Variants in BFSP1 observed in about 807,000 individuals in gnomAD.
BFSP1 encodes beaded filament structural protein 1, also known as filensin.
BFSP1 carries 38 observed loss-of-function variants against 43.9 expected under a neutral mutation model. That is an observed-to-expected ratio of 0.87 (90% CI 0.67 to 1.14). The LOEUF (loss-of-function observed/expected upper bound fraction) is 1.14. BFSP1 is among the 50% of genes most tolerant of loss of function. The pLI is 0.00. For synonymous variants in BFSP1, 352 were observed against 354.8 expected (o/e 0.99, Z 0.09); for missense variants, 850 against 875.1 (o/e 0.97, Z 0.36).
upstream of BFSP1, among the ~76,000 whole-genome samples, chr20:17,561,875 G>C (rs2035069838): frequency 6.6e-6 from 1 of 152,124 alleles, no homozygotes; most frequent in South Asian, 2.1e-4. Context: ...AGCTTTGTGA[G>C]TAGAAACAAA....
chr20:17,559,728 TAGGTTG>T (rs1483135856), upstream of BFSP1, among the ~76,000 whole-genome samples: 1 of 152,122 alleles, frequency 6.6e-6, no homozygotes, highest in East Asian at 1.9e-4. Context: ...GCAATGAATC[TAGGTTG>T]CACGCTCCTT....
chr20:17,534,126 A>G (rs1229122891), upstream of BFSP1, among the ~76,000 whole-genome samples: 1 of 152,250 alleles, frequency 6.6e-6, no homozygotes, highest in Non-Finnish European at 1.5e-5. Context: ...AGGAGTAGAG[A>G]TCGTATGCAT....
chr20:17,499,324 T>A (rs141512465), intron 5 of BFSP1, among the ~76,000 whole-genome samples: 26 of 148,024 alleles, frequency 1.8e-4, no homozygotes, highest in African/African-American at 6.2e-4. Flanking sequence ...GCTCACTGCA[T>A]CCTCGACCTC....
Position 17,513,346 on chromosome 20 carries a change from A to G in BFSP1, c.535-1278T>C, listed in dbSNP as rs1170897491. 2.0e-5 allele frequency among the ~76,000 whole-genome samples: 3 copies of G among 152,196 alleles called. No individual in the cohort carries two copies. In the East Asian group the frequency reaches 5.8e-4, roughly 29 times the overall value. On this transcript the variant is annotated intron_variant, in intron 3 of 7. Transcript: ENST00000377873. ...AGTATTTCACAAGGCTGCTCTTGGG[A>G]TCCAGTGAGATACTACAGGGAAGCC...
At chr20:17,562,439 A>AT (rs2035075326), upstream of BFSP1, among the ~76,000 whole-genome samples, 2 of 148,822 alleles carry the variant, frequency 1.3e-5, no homozygotes, top group African/African-American at 4.9e-5. Flanking sequence ...AGGCAAGAGA[A>AT]TTGCTTAAGC....
At chr20:17,501,892 G>A (rs541462721) in intron 5 of BFSP1, among the ~76,000 whole-genome samples, 5 of 152,372 alleles carry the variant, frequency 3.3e-5, no homozygotes, top group Non-Finnish European at 1.5e-5. Context: ...GAGTTGGTGG[G>A]AGGTTCTAGA....
chr20:17,497,573 T>A (rs1288975303), intron 6 of BFSP1, among the ~76,000 whole-genome samples: 1 of 21,336 alleles, frequency 4.7e-5, no homozygotes, highest in Non-Finnish European at 8.2e-5. Context: ...TGTGTATATG[T>A]ATATATACGT....
At chr20:17,524,370 G>C (rs73599752) in intron 2 of BFSP1, among the ~76,000 whole-genome samples, 5,107 of 152,228 alleles carry the variant, frequency 0.034, 195 homozygotes, top group African/African-American at 0.095. Flanking sequence ...CTCCCCTGGG[G>C]CTATTGGTCA....
chr20:17,523,646 T>C (rs1435977165), intron 2 of BFSP1, among the ~76,000 whole-genome samples: 2 of 149,710 alleles, frequency 1.3e-5, no homozygotes, highest in African/African-American at 4.9e-5. Context: ...TGTTTCTATC[T>C]AGGGTGCCCA....
intron 1 of BFSP1, among the ~76,000 whole-genome samples, chr20:17,558,126 G>C (rs147436033): frequency 2.0e-5 from 3 of 148,914 alleles, no homozygotes; most frequent in African/African-American, 2.5e-5. Context: ...AGATGGGGGG[G>C]GGTTTTACTC....
intron 1 of BFSP1, among the ~76,000 whole-genome samples, chr20:17,544,679 T>G (rs970998732): frequency 3.9e-5 from 6 of 152,180 alleles, no homozygotes; most frequent in African/African-American, 1.4e-4. Flanking sequence ...GTTAAAACCA[T>G]AATTCTGTTT....
chr20:17,524,025 C>T (rs915656034), intron 2 of BFSP1, among the ~76,000 whole-genome samples: 1 of 152,100 alleles, frequency 6.6e-6, no homozygotes, highest in Non-Finnish European at 1.5e-5. Context: ...GAGTTGTAGG[C>T]ATGGAAGGGG....
intron 1 of BFSP1, among the ~76,000 whole-genome samples, chr20:17,553,850 C>CATATAT (rs869119570): frequency 0.047 from 3,581 of 76,628 alleles, 261 homozygotes; most frequent in African/African-American, 0.19. Context: ...CATATATATA[C>CATATAT]ATATATATAC....
chr20:17,500,334 G>A (rs2033765497), intron 5 of BFSP1, among the ~76,000 whole-genome samples: 1 of 152,218 alleles, frequency 6.6e-6, no homozygotes. Context: ...GCTCAGTCAT[G>A]GGCCACATAA....
chr20:17,503,877 C>T (rs575613820), intron 5 of BFSP1, among the ~76,000 whole-genome samples: 1 of 152,330 alleles, frequency 6.6e-6, no homozygotes, highest in South Asian at 2.1e-4. Flanking sequence ...TGCAGGTTTT[C>T]ACTTAGCAAA....
At chr20:17,498,296 G>A (rs112102714) in intron 6 of BFSP1, among the ~76,000 whole-genome samples, 1 of 152,176 alleles carries the variant, frequency 6.6e-6, no homozygotes, top group Non-Finnish European at 1.5e-5. Context: ...AGTAGGGATC[G>A]ACTCACAGCT....
At chr20:17,503,516 A>G (rs565486034) in intron 5 of BFSP1, among the ~76,000 whole-genome samples, 10 of 152,282 alleles carry the variant, frequency 6.6e-5, no homozygotes, top group Non-Finnish European at 1.3e-4. Flanking sequence ...GGGTCAACTC[A>G]TCAACCTCAC....
chr20:17,498,013 C>G (rs920030594), intron 6 of BFSP1, among the ~76,000 whole-genome samples: 1 of 152,162 alleles, frequency 6.6e-6, no homozygotes, highest in African/African-American at 2.4e-5. Flanking sequence ...CCGACCAGCA[C>G]TGGAGAAAGA....
upstream of BFSP1, among the ~76,000 whole-genome samples, chr20:17,561,123 CT>C (rs1452958268): frequency 2.0e-5 from 3 of 152,082 alleles, no homozygotes; most frequent in Non-Finnish European, 4.4e-5. Flanking sequence ...GCTTGATTTC[CT>C]TGTTTTCCCC....
Sources: allele counts gnomAD v4.1 joint callset (sites outside exome capture counted in the v4.1 genomes callset), GRCh38; gene constraint gnomAD v4.1.1; transcripts MANE v1.5; gene names NCBI Gene and HGNC (gene_info 2026-07-23, HGNC 2026-07-21).